The following LHCGR variants were observed in gnomAD, a reference collection of about 807,000 sequenced individuals.
LHCGR encodes lutropin-choriogonadotropic hormone receptor.
Under a neutral mutation model 60.7 loss-of-function variants are expected in LHCGR, and 55 were observed. The observed-to-expected ratio is 0.91, with a 90% CI of 0.73 to 1.13. LHCGR has a LOEUF of 1.13. Among genes scored for constraint, LHCGR ranks in the 50% most tolerant of loss-of-function variants. The probability of loss-of-function intolerance (pLI) is 0.00; values close to 1 mark genes in which losing one functional copy is unlikely to be tolerated. For missense variants in LHCGR, 862 were observed against 836.0 expected, an observed-to-expected ratio of 1.03 and a Z score of -0.38; for synonymous variants, 337 against 316.5, an observed-to-expected ratio of 1.06 and a Z score of -0.69.
intron 1 of LHCGR, among the ~76,000 whole-genome samples, chr2:48,743,246 C>T (rs1269146097): frequency 6.6e-6 from 1 of 151,946 alleles, no homozygotes; most frequent in Non-Finnish European, 1.5e-5. Context: ...GGATTCACAG[C>T]CGAATTCTAC....
chr2:48,740,180 C>G (rs182711727), intron 1 of LHCGR, among the ~76,000 whole-genome samples: 1 of 152,238 alleles, frequency 6.6e-6, no homozygotes, highest in Non-Finnish European at 1.5e-5. Flanking sequence ...GCACCTGGCT[C>G]GGAGGGTCTT....
Position 48,741,673 on chromosome 2 carries a change from A to C in LHCGR, c.162-10375T>G, listed in dbSNP as rs1192087229. ...TTTTGTCACCACCAGGCCTGCCCTA[A>C]AAGAGCTCCTGAAGGAAGCGCTAAA... On this transcript the variant is annotated intron_variant, in intron 1 of 10. Transcript: ENST00000294954. 3.4e-4 allele frequency among the ~76,000 whole-genome samples: 52 copies of C among 151,764 alleles called. No individual in the cohort carries two copies. The East Asian group carries it at 9.1e-3, about 27-fold the overall frequency.
In LHCGR at chr2:48,688,613, C is replaced by T. The variant is rs754040582; in HGVS notation, c.1184G>A (p.Arg395His). 4.0e-5 allele frequency: 64 copies of T among 1,613,940 alleles called. No individual in the cohort carries two copies. In the East Asian group the frequency reaches 8.7e-4, roughly 22 times the overall value. The change falls in exon 11 of 11, where the codon CGT becomes CAT. Residue 395 changes from arginine to histidine, a missense_variant. Transcript: ENST00000294954. This position sits in a 1 kb window ranked among gnomAD's most constrained non-coding sequence, Gnocchi z 5.2. ...LTSRYKLTVP[R>H]FLMCNLSFAD... ...AAAGGAGAGATTGCACATGAGAAAA[C>T]GAGGCACTGTAAGTTTGTAACGACT...
intron 1 of LHCGR, among the ~76,000 whole-genome samples, chr2:48,739,793 C>G (rs148615339): frequency 1.3e-5 from 2 of 151,978 alleles, no homozygotes; most frequent in Admixed American, 6.6e-5. Flanking sequence ...GTACATGTAC[C>G]CTAAAACTTA....
chr2:48,725,456 A>G (rs1215830291), intron 4 of LHCGR, among the ~76,000 whole-genome samples: 15 of 152,290 alleles, frequency 9.8e-5, no homozygotes, highest in Admixed American at 8.5e-4. Context: ...GGTGTTTAGG[A>G]CTGATAAAAT....
intron 1 of LHCGR, among the ~76,000 whole-genome samples, chr2:48,749,037 T>G (rs560236344): frequency 6.6e-6 from 1 of 152,230 alleles, no homozygotes; most frequent in Admixed American, 6.5e-5. Flanking sequence ...AACCCAGGAG[T>G]AGCGTAACCT....
chr2:48,718,121 A>C (rs1157359337), intron 6 of LHCGR, among the ~76,000 whole-genome samples: 1 of 152,168 alleles, frequency 6.6e-6, no homozygotes, highest in East Asian at 1.9e-4. Flanking sequence ...TCATGGTGTC[A>C]GAATTAAATG....
rs370715657 is a variant in LHCGR, at chr2:48,729,158, A to G, written c.303T>C (p.Ser101=). 6.2e-7 allele frequency: 1 copy of G among 1,609,444 alleles called. No homozygotes were observed. The highest frequency in any genetic ancestry group is 1.1e-5 in the South Asian group (1 of 91,000). The change falls in exon 3 of 11, where the codon TCT becomes TCC. Residue 101 remains serine (S), a synonymous_variant. Transcript: ENST00000294954. ...GTCTGTTAGCTGATGCTTACATTTCAGACAAATTGAGGAGGTTGTCAAAGG... is the reference window on the plus strand; with the variant it reads ...GTCTGTTAGCTGATGCTTACATTTCGGACAAATTGAGGAGGTTGTCAAAGG... The part of the protein sequence containing the change: ...ANAFDNLLNL[S]EILIQNTKNL...
In LHCGR at chr2:48,698,782, T is replaced by A. The variant is rs560240997; in HGVS notation, c.699A>T (p.Lys233Asn). Reference protein sequence around the residue: ...GPKTLDISSTKLQALPSYGLE... With the variant: ...GPKTLDISSTNLQALPSYGLE... ...GGCCATAGCTCGGCAGGGCCTGCAA[T>A]TTGGTGGAAGAAATATCCCTGAACA... The change falls in exon 9 of 11, where the codon AAA (lysine) becomes AAT (asparagine). Residue 233 changes from lysine to asparagine, a missense_variant. Transcript: ENST00000294954. 6.2e-7 allele frequency: 1 copy of A among 1,613,818 alleles called. No homozygotes were observed. The highest frequency in any genetic ancestry group is 1.3e-5 in the African/African-American group (1 of 75,034).
At position 48,710,486 on chromosome 2, in the gene LHCGR, C is replaced by G. The variant is rs185428055; in HGVS notation, c.606-1464G>C. Among the ~76,000 whole-genome samples, 7 of 152,316 alleles carry G rather than the reference C, an allele frequency of 4.6e-5. No homozygotes were observed. In the East Asian group the frequency reaches 1.4e-3, roughly 29 times the overall value. On this transcript the variant is annotated intron_variant, in intron 7 of 10. Coordinates refer to ENST00000294954, the MANE Select transcript of LHCGR (RefSeq NM_000233.4). ...ATTAAAACTCAGATCTTTCTGTATA[C>G]TGATAACTCTGTATTATGCAACTTG...
chr2:48,726,068 A>C (rs1436269026), intron 3 of LHCGR, among the ~76,000 whole-genome samples: 1 of 152,072 alleles, frequency 6.6e-6, no homozygotes, highest in Non-Finnish European at 1.5e-5. Flanking sequence ...CTCCTGGCCA[A>C]GCAGATTCTG....
At chr2:48,692,149 C>G (rs546739203) in intron 10 of LHCGR, among the ~76,000 whole-genome samples, 9 of 152,126 alleles carry the variant, frequency 5.9e-5, no homozygotes, top group African/African-American at 2.2e-4. Flanking sequence ...GAGACACCGC[C>G]CAAGAATTTG....
chr2:48,745,363 T>A (rs978948378), intron 1 of LHCGR, among the ~76,000 whole-genome samples: 1 of 152,164 alleles, frequency 6.6e-6, no homozygotes, highest in Non-Finnish European at 1.5e-5. Flanking sequence ...CCCAAAGGAC[T>A]ATAAATCATG....
chr2:48,687,612 A>G lies in LHCGR; in HGVS notation c.*85T>C. The G allele has an allele frequency of 8.7e-7, 1 of 1,149,826 alleles. No individual in the cohort carries two copies. Among genetic ancestry groups the G allele is most frequent in the East Asian group, 2.4e-5 (1 of 42,470 alleles). The allele number at this position is 1,149,826 out of a possible 1,614,324, so 71.2% of individuals were successfully genotyped here. On this transcript the variant is annotated 3_prime_UTR_variant, in exon 11 of 11. Transcript: ENST00000294954. ...AAAAATAAATAATTTCCTAAATCCA[A>G]CCCTTTATGTTAAAATTACTGGTAC...
intron 1 of LHCGR, among the ~76,000 whole-genome samples, chr2:48,746,421 T>C (rs904260007): frequency 6.6e-5 from 10 of 152,202 alleles, no homozygotes; most frequent in African/African-American, 2.4e-4. Flanking sequence ...TTTTAAGAAG[T>C]GATAAAGAAC....
intron 8 of LHCGR, among the ~76,000 whole-genome samples, chr2:48,707,489 C>T (rs1667749082): frequency 6.6e-6 from 1 of 152,340 alleles, no homozygotes; most frequent in East Asian, 1.9e-4. Context: ...AGAAGTTGTG[C>T]CCACAGCTGC....
At chr2:48,715,977 A>G (rs930462922) in intron 6 of LHCGR, among the ~76,000 whole-genome samples, 2 of 152,034 alleles carry the variant, frequency 1.3e-5, no homozygotes, top group African/African-American at 2.4e-5. Context: ...CTTCCCCGGG[A>G]AGGGGAGGCT....
intron 6 of LHCGR, among the ~76,000 whole-genome samples, chr2:48,723,242 T>A (rs1016413625): frequency 6.6e-6 from 1 of 152,168 alleles, no homozygotes; most frequent in African/African-American, 2.4e-5. Flanking sequence ...TCAGGGCCTG[T>A]TTGGTTAAAC....
At chr2:48,708,272 G>T (rs975775530) in intron 8 of LHCGR, among the ~76,000 whole-genome samples, 1 of 152,084 alleles carries the variant, frequency 6.6e-6, no homozygotes, top group African/African-American at 2.4e-5. Flanking sequence ...AAGTGCCAGG[G>T]GCATGCCAGA....
Sources: gnomAD v4.1 joint callset for allele counts (sites outside exome capture counted in the v4.1 genomes callset) on GRCh38, gnomAD v4.1.1 for gene constraint, Gnocchi (gnomAD v3.1) non-coding constraint, MANE v1.5 for transcripts, NCBI Gene and HGNC (gene_info 2026-07-23, HGNC 2026-07-21) for gene names.